The following WWC1 variants were observed in gnomAD, a reference collection of about 807,000 sequenced individuals.
The protein encoded by WWC1 is protein KIBRA.
A neutral mutation model predicts 138.4 loss-of-function variants in WWC1; 55 were observed. The ratio of observed to expected loss-of-function variants is 0.40; its 90% CI spans 0.32 to 0.50. The LOEUF (loss-of-function observed/expected upper bound fraction) is 0.50, where lower values mean the gene tolerates loss of function less well. Ranked by LOEUF, WWC1 falls within the 20% of genes least tolerant of loss-of-function variation. The probability of loss-of-function intolerance (pLI) is 0.72; values close to 1 mark genes in which losing one functional copy is unlikely to be tolerated. For missense variants in WWC1, 1,226 were observed against 1,420.4 expected, an observed-to-expected ratio of 0.86 and a Z score of 2.20; for synonymous variants, 524 against 564.9, an observed-to-expected ratio of 0.93 and a Z score of 1.03.
intron 1 of WWC1, among the ~76,000 whole-genome samples, chr5:168,364,799 C>T (rs563535762): frequency 1.6e-4 from 24 of 152,272 alleles, no homozygotes; most frequent in Non-Finnish European, 2.2e-4. Context: ...AGCTGACCTC[C>T]GCCTCCACTT....
intron 21 of WWC1, among the ~76,000 whole-genome samples, chr5:168,467,189 C>T (rs1378187775): frequency 2.6e-5 from 4 of 152,278 alleles, no homozygotes; most frequent in Non-Finnish European, 5.9e-5. Context: ...ACCCAGGAGG[C>T]GGAGCTTGCA....
intron 1 of WWC1, among the ~76,000 whole-genome samples, chr5:168,351,054 G>A (rs1472994067): frequency 6.6e-6 from 1 of 151,940 alleles, no homozygotes; most frequent in African/African-American, 2.4e-5. Context: ...GGCTGAGGTA[G>A]GAGAATTACT....
intron 3 of WWC1, among the ~76,000 whole-genome samples, chr5:168,395,023 G>A (rs1369397787): frequency 9.9e-5 from 15 of 152,210 alleles, no homozygotes. Flanking sequence ...AGCTCCTGGT[G>A]GCCTAATTGG....
chr5:168,420,392 T>G (rs1780998235), intron 9 of WWC1, among the ~76,000 whole-genome samples: 1 of 152,142 alleles, frequency 6.6e-6, no homozygotes, highest in South Asian at 2.1e-4. Context: ...CATACTGGAT[T>G]AGAGTCTGCC....
At chr5:168,413,498 G>A (rs935295524) in intron 8 of WWC1, among the ~76,000 whole-genome samples, 4 of 152,186 alleles carry the variant, frequency 2.6e-5, no homozygotes, top group African/African-American at 9.7e-5. Flanking sequence ...ATGAGGATAT[G>A]GAGTCTTAGA....
At chr5:168,337,170 C>T (rs985332237) in intron 1 of WWC1, among the ~76,000 whole-genome samples, 4 of 152,150 alleles carry the variant, frequency 2.6e-5, no homozygotes, top group Non-Finnish European at 4.4e-5. Flanking sequence ...TGGGGTCCTG[C>T]AATCATTGGG....
intron 1 of WWC1, among the ~76,000 whole-genome samples, chr5:168,310,263 A>G (rs933434807): frequency 2.6e-5 from 4 of 152,152 alleles, no homozygotes; most frequent in African/African-American, 9.7e-5. Flanking sequence ...AATTTCAAAA[A>G]TAGTACAAGA....
rs150959088 is a variant in WWC1, at chr5:168,386,102, T to G, written c.433+688T>G. ...CTAGAATGCTTTGTCACGCATCCAT[T>G]TGCAAGGCTAAGTCCTTCTCAGTCT... is the stretch of plus-strand genomic sequence containing the variant. On this transcript the variant is annotated intron_variant, in intron 3 of 22. Transcript: ENST00000265293. Among the ~76,000 whole-genome samples the G allele has an allele frequency of 1.6e-3, 243 of 152,210 alleles. 1 individual carries two copies. The highest frequency in any genetic ancestry group is 2.6e-3 in the Admixed American group (40 of 15,292).
At chr5:168,396,793 A>G (rs924370733) in intron 3 of WWC1, among the ~76,000 whole-genome samples, 2 of 152,200 alleles carry the variant, frequency 1.3e-5, no homozygotes, top group South Asian at 2.1e-4. Flanking sequence ...AGTAAATACT[A>G]TTTTTAAAAT....
chr5:168,359,785 C>A (rs1775747070), intron 1 of WWC1, among the ~76,000 whole-genome samples: 1 of 152,150 alleles, frequency 6.6e-6, no homozygotes, highest in African/African-American at 2.4e-5. Flanking sequence ...AGTGTCTTCC[C>A]ATTCAGAATC....
At chr5:168,353,691 T>G (rs948346101) in intron 1 of WWC1, among the ~76,000 whole-genome samples, 1 of 152,236 alleles carries the variant, frequency 6.6e-6, no homozygotes, top group East Asian at 1.9e-4. Context: ...CTTGAAGCCT[T>G]AGTGTCCTCC....
rs867528448 is a variant in WWC1, at chr5:168,357,491, T to C, written c.120-13933T>C. ...GTGTGTGTGTGTGTGTGTGTGTGTG[T>C]GTGCGCGCGCGCACGCATGCACGTG... On this transcript the variant is annotated intron_variant, in intron 1 of 22. Coordinates refer to ENST00000265293, the MANE Select transcript of WWC1 (RefSeq NM_015238.3). 7.2e-3 allele frequency among the ~76,000 whole-genome samples: 500 copies of C among 69,898 alleles called. 3 individuals carry two copies. Among genetic ancestry groups the C allele is most frequent in the South Asian group, 0.035 (66 of 1,906 alleles). 45.9% of individuals were successfully genotyped at this position (69,898 alleles called of 152,430 possible).
intron 1 of WWC1, among the ~76,000 whole-genome samples, chr5:168,324,014 CAACTT>C (rs1264233780): frequency 6.6e-6 from 1 of 152,160 alleles, no homozygotes; most frequent in African/African-American, 2.4e-5. Context: ...AAAATACTGT[CAACTT>C]AACAATTCTG....
intron 18 of WWC1, among the ~76,000 whole-genome samples, chr5:168,454,649 G>C (rs988855501): frequency 6.6e-6 from 1 of 152,204 alleles, no homozygotes; most frequent in Non-Finnish European, 1.5e-5. Context: ...TGCCGTGTTT[G>C]AGCGAGGCTG....
intron 13 of WWC1, among the ~76,000 whole-genome samples, chr5:168,429,256 A>ATTTTTTTT (rs67280988): frequency 8.6e-6 from 1 of 116,376 alleles, no homozygotes; most frequent in African/African-American, 3.6e-5. Flanking sequence ...TATGATCTCA[A>ATTTTTTTT]TTTTTTTTTT....
At chr5:168,389,825 T>C (rs886235886) in intron 3 of WWC1, among the ~76,000 whole-genome samples, 2 of 152,062 alleles carry the variant, frequency 1.3e-5, no homozygotes, top group African/African-American at 4.8e-5. Context: ...TATTTTAGGG[T>C]GTTTAGCAGC....
In WWC1 at chr5:168,441,721, G is replaced by A. The variant is rs1393879071; in HGVS notation, c.2320G>A (p.Gly774Arg). ...QISLAEVCRS[G>R]ERSTRWYNLL... is the part of the protein sequence containing the mutation. ...CAGCCTGGCGGAGGTCTGCCGGTCT[G>A]GGGAGAGGTCGACTCGCTGGTACAA... The change falls in exon 16 of 23, where the codon GGG becomes AGG. Residue 774 changes from glycine (G) to arginine (R), a missense_variant. By Grantham distance (125) the Gly-to-Arg change is moderately radical. Around this residue, in one of 3 missense-constraint regions of WWC1, gnomAD observed 1,016 missense variants for 1,153.9 expected, o/e 0.88. Transcript: ENST00000265293. The A allele has an allele frequency of 1.2e-6, 2 of 1,614,192 alleles. No homozygotes were observed. Among genetic ancestry groups the A allele is most frequent in the East Asian group, 2.2e-5 (1 of 44,872 alleles).
Position 168,462,068 on chromosome 5 carries a change from G to A in WWC1, c.2916+1326G>A, listed in dbSNP as rs74516913. 7.7e-4 allele frequency among the ~76,000 whole-genome samples: 116 copies of A among 150,208 alleles called. No homozygotes were observed. The Middle Eastern group carries it at 0.017, about 22-fold the overall frequency. On this transcript the variant is annotated intron_variant, in intron 20 of 22. Coordinates refer to ENST00000265293, the MANE Select transcript of WWC1 (RefSeq NM_015238.3). ...GAAACTACATCTCAAAAAAAAAAAA[G>A]AAAGAAAGAAAAAAGGAGAGAGAAA...
At chr5:168,301,286 G>A (rs1488802987) in intron 1 of WWC1, among the ~76,000 whole-genome samples, 1 of 152,202 alleles carries the variant, frequency 6.6e-6, no homozygotes, top group Non-Finnish European at 1.5e-5. Flanking sequence ...TAGTAGATAA[G>A]CTCTCCATAA....
Sources: gnomAD v4.1 joint callset for allele counts (sites outside exome capture counted in the v4.1 genomes callset) on GRCh38, gnomAD v4.1.1 for gene constraint, gnomAD v4.1.1 regional missense constraint, MANE v1.5 for transcripts, NCBI Gene and HGNC (gene_info 2026-07-23, HGNC 2026-07-21) for gene names.